COG5: variants seen among roughly 807,000 people sequenced by gnomAD.
The protein encoded by COG5 is component of oligomeric golgi complex 5.
A neutral mutation model predicts 110.4 loss-of-function variants in COG5; 86 were observed. That is an observed-to-expected ratio of 0.78 (90% CI 0.65 to 0.93). The LOEUF (loss-of-function observed/expected upper bound fraction) is 0.93. COG5 is among the 40% of genes least tolerant of loss of function. COG5 has a pLI of 0.00. For synonymous variants in COG5, 360 were observed against 334.6 expected, an observed-to-expected ratio of 1.08 and a Z score of -0.83; for missense variants, 1,077 against 987.0, an observed-to-expected ratio of 1.09 and a Z score of -1.22.
At chr7:107,214,660 G>T (rs1386339952) in intron 19 of COG5, among the ~76,000 whole-genome samples, 3 of 152,150 alleles carry the variant, frequency 2.0e-5, no homozygotes, top group African/African-American at 7.2e-5. Context: ...AGTGACTCAT[G>T]CCTATAATCC....
intron 6 of COG5, among the ~76,000 whole-genome samples, chr7:107,504,964 T>C (rs1342375108): frequency 6.6e-6 from 1 of 152,180 alleles, no homozygotes; most frequent in East Asian, 1.9e-4. Context: ...CTTGGTGCTT[T>C]CAGGGGTGGA....
intron 5 of COG5, among the ~76,000 whole-genome samples, chr7:107,538,923 G>T (rs912447700): frequency 6.6e-6 from 1 of 152,140 alleles, no homozygotes; most frequent in African/African-American, 2.4e-5. Context: ...TATATTATTT[G>T]ACCATATAAG....
chr7:107,266,795 C>T (rs1724496397), intron 14 of COG5, among the ~76,000 whole-genome samples: 1 of 152,138 alleles, frequency 6.6e-6, no homozygotes, highest in Admixed American at 6.5e-5. Context: ...AGTATATGGA[C>T]ACTGTAACAT....
At position 107,362,362 on chromosome 7, in the gene COG5, T is replaced by C; in HGVS notation, c.894A>G (p.Ser298=). ...TPGNTAALRA[S]FWTNMEKLMD... ...TAAGTTTCTCCATATTGGTCCAGAA[T>C]GAGGCACGCAAAGCTGCAGTATTTC... is the stretch of plus-strand genomic sequence containing the variant. Residue 298 remains serine (S), a synonymous_variant, in exon 9 of 22, where the codon TCA becomes TCG. Coordinates refer to ENST00000297135, the MANE Select transcript of COG5 (RefSeq NM_006348.5). 1 of 1,613,900 alleles carries C rather than the reference T, an allele frequency of 6.2e-7. No homozygotes were observed. Among genetic ancestry groups the C allele is most frequent in the Non-Finnish European group, 8.5e-7 (1 of 1,179,884 alleles).
intron 14 of COG5, among the ~76,000 whole-genome samples, chr7:107,268,733 C>T (rs1404752420): frequency 2.0e-5 from 3 of 152,150 alleles, no homozygotes; most frequent in Non-Finnish European, 4.4e-5. Flanking sequence ...AATATGTGAC[C>T]TTCACAATCC....
At chr7:107,558,914 C>CAAAAA (rs34483652) in intron 1 of COG5, among the ~76,000 whole-genome samples, 5 of 31,150 alleles carry the variant, frequency 1.6e-4, no homozygotes, top group Non-Finnish European at 3.9e-4. Flanking sequence ...GACTTCATCT[C>CAAAAA]AAAAAAAAAA....
intron 3 of COG5, among the ~76,000 whole-genome samples, chr7:107,549,707 T>G (rs1305762985): frequency 1.3e-5 from 2 of 152,014 alleles, no homozygotes; most frequent in African/African-American, 4.8e-5. Flanking sequence ...TGGCCTTGTC[T>G]AGGCTTTCAA....
rs58281094 is a variant in COG5 at position 107,529,024 on chromosome 7, T to TA, written c.418-1668dup. Among the ~76,000 whole-genome samples, 96 of 97,834 alleles carry TA rather than the reference T, an allele frequency of 9.8e-4. 4 individuals carry two copies. The highest frequency in any genetic ancestry group is 5.3e-3 in the South Asian group (18 of 3,388). The allele number at this position is 97,834 out of a possible 152,430, so 64.2% of individuals were successfully genotyped here. On this transcript the variant is annotated intron_variant, in intron 5 of 21. Coordinates refer to ENST00000297135, the MANE Select transcript of COG5 (RefSeq NM_006348.5). ...GAGAAACTAATCTGAAATACTTAAA[T>TA]AAAAAAAAAAAAAAAGGAATGCCAA...
intron 6 of COG5, among the ~76,000 whole-genome samples, chr7:107,413,384 T>G (rs1468735389): frequency 6.6e-6 from 1 of 151,900 alleles, no homozygotes; most frequent in Non-Finnish European, 1.5e-5. Context: ...TTACAATCAC[T>G]CACCTTAAGA....
chr7:107,501,617 G>A (rs1268796675), intron 6 of COG5, among the ~76,000 whole-genome samples: 1 of 152,098 alleles, frequency 6.6e-6, no homozygotes, highest in African/African-American at 2.4e-5. Flanking sequence ...TGTGGTATGA[G>A]TATTACCTGT....
Position 107,211,158 on chromosome 7 carries a change from T to A in COG5, c.2236A>T (p.Ser746Cys). Residue 746 changes from serine to cysteine, a missense_variant, in exon 20 of 22, where the codon AGC becomes TGC. Transcript: ENST00000297135. ...SPALGDVIPFSIIIQFLFTRA... is the reference protein window; with the variant it reads ...SPALGDVIPFCIIIQFLFTRA... ...GTGAACAAAAACTGAATAATGATGC[T>A]GAACGGAATCACATCCCCCAATGCA... is the stretch of plus-strand genomic sequence containing the variant. 6.2e-7 allele frequency: 1 copy of A among 1,614,056 alleles called. No homozygotes were observed. The highest frequency in any genetic ancestry group is 8.5e-7 in the Non-Finnish European group (1 of 1,179,904).
intron 12 of COG5, among the ~76,000 whole-genome samples, chr7:107,295,022 T>C (rs1806551178): frequency 7.9e-6 from 1 of 126,012 alleles, no homozygotes; most frequent in South Asian, 2.5e-4. Context: ...CACACATATA[T>C]ATATACACAC....
intron 14 of COG5, among the ~76,000 whole-genome samples, chr7:107,262,371 G>A (rs1251144550): frequency 1.3e-5 from 2 of 152,106 alleles, no homozygotes; most frequent in African/African-American, 4.8e-5. Context: ...AGCAGTGAGT[G>A]GTATCTTGAA....
intron 6 of COG5, chr7:107,475,417 G>A (rs1208107035): frequency 6.1e-6 from 5 of 819,374 alleles, no homozygotes; most frequent in Non-Finnish European, 9.4e-6. Context: ...AATTTAAATT[G>A]TAAAAACTGA....
intron 17 of COG5, among the ~76,000 whole-genome samples, chr7:107,243,421 G>A (rs1325757397): frequency 6.7e-6 from 1 of 149,778 alleles, no homozygotes; most frequent in African/African-American, 2.5e-5. Context: ...GCTGAGGCAG[G>A]AGAATGGTGT....
intron 7 of COG5, among the ~76,000 whole-genome samples, chr7:107,411,855 C>T (rs938870814): frequency 1.3e-4 from 19 of 151,972 alleles, no homozygotes; most frequent in Non-Finnish European, 7.4e-5. Context: ...CCAATACAAA[C>T]GGAGAAAATA....
At chr7:107,409,243 A>G (rs866571259) in intron 7 of COG5, among the ~76,000 whole-genome samples, 33 of 151,662 alleles carry the variant, frequency 2.2e-4, no homozygotes, top group African/African-American at 7.5e-4. Context: ...AAAAAAAAAA[A>G]AAAAGAAAAC....
chr7:107,225,835 G>A (rs1256560774), intron 19 of COG5, among the ~76,000 whole-genome samples: 1 of 152,190 alleles, frequency 6.6e-6, no homozygotes, highest in Non-Finnish European at 1.5e-5. Context: ...CTGAGGTCAG[G>A]AGTTTGAGAC....
chr7:107,205,173 T>C (rs1798670053), intron 21 of COG5, among the ~76,000 whole-genome samples: 1 of 152,208 alleles, frequency 6.6e-6, no homozygotes, highest in South Asian at 2.1e-4. Flanking sequence ...CCTGAAGTAT[T>C]ACAGCACTTG....
Sources: gnomAD v4.1 joint callset for allele counts (sites outside exome capture counted in the v4.1 genomes callset) on GRCh38, gnomAD v4.1.1 for gene constraint, MANE v1.5 for transcripts, NCBI Gene and HGNC (gene_info 2026-07-23, HGNC 2026-07-21) for gene names.